AK4: variants seen among roughly 807,000 people sequenced by gnomAD.
The protein encoded by AK4 is adenylate kinase 4, mitochondrial.
Under a neutral mutation model 24.6 loss-of-function variants are expected in AK4, and 13 were observed. The observed-to-expected ratio is 0.53, with a 90% CI of 0.34 to 0.84. The LOEUF (loss-of-function observed/expected upper bound fraction) is 0.84, where lower values mean the gene tolerates loss of function less well. AK4 is among the 40% of genes least tolerant of loss of function. The pLI is 0.01. For missense variants in AK4, 192 were observed against 288.2 expected, an observed-to-expected ratio of 0.67 and a Z score of 2.42; for synonymous variants, 88 against 107.0, an observed-to-expected ratio of 0.82 and a Z score of 1.10.
Position 65,173,488 on chromosome 1 carries a change from CT to C in AK4, c.146-17221del, listed in dbSNP as rs139824530. On this transcript the variant is annotated intron_variant, in intron 1 of 4. Coordinates refer to ENST00000327299, the MANE Select transcript of AK4 (RefSeq NM_013410.4). The stretch of plus-strand genomic sequence containing the variant: ...CCTCTTCCTCAGATTGCATACTTCC[CT>C]GTAATTTTTCACTTCTGCGTTTCAG... 8.7e-3 allele frequency among the ~76,000 whole-genome samples: 1,323 copies of C among 152,228 alleles called. 21 individuals are homozygous for C. Among genetic ancestry groups the C allele is most frequent in the African/African-American group, 0.03 (1,265 of 41,528 alleles).
chr1:65,171,068 A>G (rs1263686193), intron 1 of AK4, among the ~76,000 whole-genome samples: 2 of 145,456 alleles, frequency 1.4e-5, no homozygotes, highest in Admixed American at 6.9e-5. Flanking sequence ...AGATCTTCCA[A>G]CCTCAGCCTC....
intron 1 of AK4, among the ~76,000 whole-genome samples, chr1:65,178,070 G>A (rs1361063375): frequency 6.6e-6 from 1 of 152,172 alleles, no homozygotes; most frequent in East Asian, 1.9e-4. Flanking sequence ...GGTAAAGGGT[G>A]TAATGAGAAG....
chr1:65,154,421 G>T, intron 1 of AK4: 1 of 428,706 alleles, frequency 2.3e-6, no homozygotes, highest in South Asian at 1.6e-5. Flanking sequence ...AATGCCCTTG[G>T]AAGAGCACAT....
chr1:65,204,373 A>G, intron 2 of AK4, among the ~76,000 whole-genome samples: 1 of 151,810 alleles, frequency 6.6e-6, no homozygotes, highest in Non-Finnish European at 1.5e-5. Flanking sequence ...CTAATTTTTT[A>G]CATTTTTGAT....
chr1:65,198,744 T>C (rs552096060), intron 2 of AK4, among the ~76,000 whole-genome samples: 17 of 139,428 alleles, frequency 1.2e-4, no homozygotes, highest in African/African-American at 4.1e-4. Context: ...AATGTAAATA[T>C]GCCTGACAGT....
chr1:65,224,650 G>A, intron 3 of AK4, 102 bp from the exon 4 acceptor site: 3 of 812,016 alleles, frequency 3.7e-6, no homozygotes, highest in Non-Finnish European at 4.2e-6. Flanking sequence ...TCATCATGTG[G>A]TAGGAGTTAA....
rs528470682 is a variant in AK4 at position 65,230,626 on chromosome 1, G to A, written c.*4449G>A. On this transcript the variant is annotated 3_prime_UTR_variant, in exon 5 of 5. Transcript: ENST00000327299. ...GAAATAATCCTGTTTATTTAAACGG[G>A]TTTTCATGTACCTGTAGGGATTAGG... 1 of 152,142 alleles carries A rather than the reference G, an allele frequency of 6.6e-6. No homozygotes were observed. The highest frequency in any genetic ancestry group is 2.4e-5 in the African/African-American group (1 of 41,440). 9.4% of individuals were successfully genotyped at this position (152,142 alleles called of 1,614,324 possible).
upstream of AK4, chr1:65,148,178 G>A: frequency 1.1e-6 from 1 of 890,040 alleles, no homozygotes; most frequent in South Asian, 2.0e-5. Flanking sequence ...GGTGGAGAAG[G>A]GCGGGGAGGT....
chr1:65,226,985 T>C lies in AK4; in HGVS notation c.*808T>C, dbSNP rs1174212992. 2 of 142,482 alleles carry C rather than the reference T, an allele frequency of 1.4e-5. No individual in the cohort carries two copies. Among genetic ancestry groups the C allele is most frequent in the Non-Finnish European group, 3.0e-5 (2 of 66,338 alleles). 8.8% of individuals were successfully genotyped at this position (142,482 alleles called of 1,614,324 possible). On this transcript the variant is annotated 3_prime_UTR_variant, in exon 5 of 5. Coordinates refer to ENST00000327299, the MANE Select transcript of AK4 (RefSeq NM_013410.4). ...TTATTAAACTGCTGGTCTGACTTTA[T>C]GGATTGACACTGTTCCTTTCTTTTA...
rs894048359 is a variant in AK4, at chr1:65,200,684, C to T, written c.265+9855C>T. On this transcript the variant is annotated intron_variant, in intron 2 of 4. Transcript: ENST00000327299. ...TCTGGTGCTAAGCATTCATAATTTT[C>T]GATAAGTATTTATTGATCAGCAGCT... is the stretch of plus-strand genomic sequence containing the variant. Among the ~76,000 whole-genome samples, 4 of 152,108 alleles carry T rather than the reference C, an allele frequency of 2.6e-5. No individual in the cohort carries two copies. In the East Asian group the frequency reaches 5.8e-4, roughly 22 times the overall value.
In AK4 at chr1:65,231,960, G is replaced by A. The variant is rs965441568; in HGVS notation, c.*5783G>A. Reference sequence around the variant, plus strand: ...ATGATGAGTCAGAGTGCTTTTCCTCGGTGGGACAGTTGCTGGCCCTCTTAA... The same window carrying A: ...ATGATGAGTCAGAGTGCTTTTCCTCAGTGGGACAGTTGCTGGCCCTCTTAA... On this transcript the variant is annotated 3_prime_UTR_variant, in exon 5 of 5. Coordinates refer to ENST00000327299, the MANE Select transcript of AK4 (RefSeq NM_013410.4). The A allele has an allele frequency of 1.3e-5, 2 of 152,078 alleles. No individual in the cohort carries two copies. The highest frequency in any genetic ancestry group is 2.9e-5 in the Non-Finnish European group (2 of 68,016). 9.4% of individuals were successfully genotyped at this position (152,078 alleles called of 1,614,324 possible). A position where few individuals can be genotyped will look rare whatever the true frequency, so the allele number is the denominator to read the frequency against.
chr1:65,208,711 G>A (rs546939428), intron 2 of AK4, among the ~76,000 whole-genome samples: 115 of 152,310 alleles, frequency 7.6e-4, no homozygotes, highest in Non-Finnish European at 1.3e-3. Context: ...ATCAGGCGGA[G>A]GGCTTGCTTT....
intron 1 of AK4, among the ~76,000 whole-genome samples, chr1:65,162,077 G>A (rs977553310): frequency 5.3e-5 from 8 of 152,044 alleles, no homozygotes; most frequent in East Asian, 1.9e-4. Flanking sequence ...GTGAGACCCC[G>A]TCTCTATAGA....
chr1:65,223,497 A>C (rs1404850876), intron 3 of AK4, among the ~76,000 whole-genome samples: 1 of 151,984 alleles, frequency 6.6e-6, no homozygotes, highest in Non-Finnish European at 1.5e-5. Flanking sequence ...ACCAACTGAT[A>C]AATGTTATCA....
intron 1 of AK4, among the ~76,000 whole-genome samples, chr1:65,166,709 G>A (rs905744276): frequency 6.6e-6 from 1 of 152,200 alleles, no homozygotes; most frequent in Admixed American, 6.5e-5. Context: ...TTTTGAAGAC[G>A]GGGGTCTCAC....
chr1:65,171,609 G>A (rs897399947), intron 1 of AK4, among the ~76,000 whole-genome samples: 1 of 152,004 alleles, frequency 6.6e-6, no homozygotes, highest in Non-Finnish European at 1.5e-5. Context: ...CCAGCCAATA[G>A]TTGCTCTTAA....
intron 2 of AK4, among the ~76,000 whole-genome samples, chr1:65,211,959 A>G (rs1377299035): frequency 6.6e-6 from 1 of 152,228 alleles, no homozygotes; most frequent in African/African-American, 2.4e-5. Flanking sequence ...CACTGGAGCC[A>G]AGATTTGGAA....
intron 2 of AK4, among the ~76,000 whole-genome samples, chr1:65,214,382 A>G (rs1652060438): frequency 6.6e-6 from 1 of 152,156 alleles, no homozygotes; most frequent in South Asian, 2.1e-4. Flanking sequence ...GAGTGCTAGG[A>G]TTACAGGCGT....
chr1:65,169,175 C>CAA (rs577188503), intron 1 of AK4, among the ~76,000 whole-genome samples: 1,938 of 64,690 alleles, frequency 0.03, 19 homozygotes, highest in African/African-American at 0.065. Flanking sequence ...GACGCTGTCT[C>CAA]AAAAAAAAAA....
Sources: allele counts gnomAD v4.1 joint callset (sites outside exome capture counted in the v4.1 genomes callset), GRCh38; gene constraint gnomAD v4.1.1; transcripts MANE v1.5; gene names NCBI Gene and HGNC (gene_info 2026-07-23, HGNC 2026-07-21).